Variants in RBFOX1 observed in about 807,000 individuals in gnomAD.
RBFOX1 encodes RNA binding fox-1 homolog 1.
A neutral mutation model predicts 57.7 loss-of-function variants in RBFOX1; 8 were observed. That is an observed-to-expected ratio of 0.14 (90% CI 0.08 to 0.25). RBFOX1 has a LOEUF of 0.25. RBFOX1 is among the 10% of genes least tolerant of loss of function. The pLI is 1.00. For synonymous variants in RBFOX1, 326 were observed against 222.4 expected, an observed-to-expected ratio of 1.47 and a Z score of -4.15; for missense variants, 611 against 548.5, an observed-to-expected ratio of 1.11 and a Z score of -1.14.
chr16:5,417,412 G>A (rs570614531), intron 1 of RBFOX1, among the ~76,000 whole-genome samples: 1 of 152,326 alleles, frequency 6.6e-6, no homozygotes, highest in African/African-American at 2.4e-5. Flanking sequence ...TCCACCGAGG[G>A]AGTAGAAAGC....
intron 4 of RBFOX1, among the ~76,000 whole-genome samples, chr16:7,506,719 C>T (rs1340731853): frequency 5.3e-5 from 8 of 152,120 alleles, no homozygotes; most frequent in South Asian, 2.1e-4. Flanking sequence ...TACTAATGTA[C>T]GAGATCCATG....
chr16:7,490,474 T>C (rs1331533852), intron 4 of RBFOX1, among the ~76,000 whole-genome samples: 1 of 152,224 alleles, frequency 6.6e-6, no homozygotes, highest in East Asian at 1.9e-4. Context: ...AGCCAGGCTG[T>C]CTTCTTAATT....
rs187496229 is a variant in RBFOX1, at chr16:6,920,745, C to T, written c.-15-131312C>T. 1.9e-3 allele frequency among the ~76,000 whole-genome samples: 288 copies of T among 152,310 alleles called. 2 individuals carry two copies. The highest frequency in any genetic ancestry group is 6.8e-3 in the African/African-American group (284 of 41,572). On this transcript the variant is annotated intron_variant, in intron 3 of 15. Coordinates refer to ENST00000550418, the MANE Select transcript of RBFOX1 (RefSeq NM_018723.4). ...ATCACTCCAGTCTTTACTTCATCTG[C>T]AGTGGGCTTTCCCTCTGTCTCTGTG... is the stretch of plus-strand genomic sequence containing the variant.
intron 4 of RBFOX1, among the ~76,000 whole-genome samples, chr16:7,087,276 G>T (rs2060134523): frequency 6.6e-6 from 1 of 152,176 alleles, no homozygotes; most frequent in Non-Finnish European, 1.5e-5. Context: ...AGATGGGCTT[G>T]CCTCAAGAGG....
intron 1 of RBFOX1, among the ~76,000 whole-genome samples, chr16:6,113,756 C>G (rs1009427452): frequency 2.6e-5 from 4 of 152,216 alleles, no homozygotes; most frequent in Non-Finnish European, 5.9e-5. Context: ...TAGCATGTAA[C>G]ATACACTCTA....
At chr16:6,939,426 T>C (rs1175866319) in intron 3 of RBFOX1, among the ~76,000 whole-genome samples, 1 of 152,024 alleles carries the variant, frequency 6.6e-6, no homozygotes, top group Admixed American at 6.6e-5. Flanking sequence ...TAGCTATATA[T>C]AGTAGACATC....
chr16:5,575,714 C>T (rs936130723), intron 2 of RBFOX1, among the ~76,000 whole-genome samples: 2 of 152,184 alleles, frequency 1.3e-5, no homozygotes, highest in African/African-American at 4.8e-5. Flanking sequence ...CTTGCTTGAT[C>T]TAATTGGGCT....
intron 4 of RBFOX1, among the ~76,000 whole-genome samples, chr16:7,121,134 A>C (rs1356772220): frequency 1.3e-5 from 2 of 152,090 alleles, no homozygotes; most frequent in Admixed American, 6.6e-5. Context: ...GAGGATGTCA[A>C]CAAACAACCC....
intron 5 of RBFOX1, among the ~76,000 whole-genome samples, chr16:7,534,086 C>CTTTTCTTTTT: frequency 7.7e-6 from 1 of 129,914 alleles, no homozygotes; most frequent in African/African-American, 2.9e-5. Flanking sequence ...CGTTTTTTTT[C>CTTTTCTTTTT]TTTTTTTTTT....
intron 2 of RBFOX1, among the ~76,000 whole-genome samples, chr16:5,558,058 G>T (rs35346850): frequency 2.8e-4 from 43 of 152,010 alleles, no homozygotes; most frequent in African/African-American, 1.0e-3. Flanking sequence ...TCTATCCCCC[G>T]CTTCCAGCTC....
At chr16:6,467,220 A>G (rs2095069899) in intron 2 of RBFOX1, among the ~76,000 whole-genome samples, 1 of 151,362 alleles carries the variant, frequency 6.6e-6, no homozygotes, top group Non-Finnish European at 1.5e-5. Flanking sequence ...ATGTAATATA[A>G]TAAAGTTTTC....
intron 4 of RBFOX1, among the ~76,000 whole-genome samples, chr16:7,389,377 C>T (rs1162797348): frequency 6.6e-6 from 1 of 152,212 alleles, no homozygotes; most frequent in Non-Finnish European, 1.5e-5. Context: ...CCTCCCACCT[C>T]AGCCTCCCAA....
At chr16:5,733,959 G>C (rs1024662491) in intron 3 of RBFOX1, among the ~76,000 whole-genome samples, 8 of 151,802 alleles carry the variant, frequency 5.3e-5, no homozygotes, top group East Asian at 3.9e-4. Flanking sequence ...TCCTGACCTC[G>C]ACCCTTCTCC....
chr16:6,759,268 A>T (rs1198126432), intron 3 of RBFOX1, among the ~76,000 whole-genome samples: 1 of 151,512 alleles, frequency 6.6e-6, no homozygotes, highest in East Asian at 1.9e-4. Flanking sequence ...CTCCTGTTTC[A>T]GCCTCCCAAG....
intron 3 of RBFOX1, among the ~76,000 whole-genome samples, chr16:6,772,941 T>A (rs151221506): frequency 6.6e-4 from 97 of 147,822 alleles, no homozygotes; most frequent in Middle Eastern, 3.7e-3. Context: ...TGTGTGTGTG[T>A]GTATCTATAT....
At chr16:7,094,767 TGTGTGTGTGG>T (rs963681357) in intron 4 of RBFOX1, among the ~76,000 whole-genome samples, 2 of 140,894 alleles carry the variant, frequency 1.4e-5, no homozygotes, top group African/African-American at 5.0e-5. Flanking sequence ...TGTGTGTGTG[TGTGTGTGTGG>T]GTGTGTGTGT....
chr16:5,500,164 A>C (rs1272455150), intron 2 of RBFOX1, among the ~76,000 whole-genome samples: 769 of 35,168 alleles, frequency 0.022, no homozygotes, highest in Middle Eastern at 0.077. Context: ...CTCCCCTCCC[A>C]CTCCCTGCCT....
At chr16:7,167,847 T>C (rs1358282090) in intron 4 of RBFOX1, among the ~76,000 whole-genome samples, 2 of 107,072 alleles carry the variant, frequency 1.9e-5, no homozygotes, top group African/African-American at 3.9e-5. Flanking sequence ...GCCTAAAATA[T>C]TTACTATCTG....
chr16:7,696,649 C>A (rs879600122), intron 14 of RBFOX1, among the ~76,000 whole-genome samples: 1 of 152,088 alleles, frequency 6.6e-6, no homozygotes, highest in Non-Finnish European at 1.5e-5. Flanking sequence ...CATCAAAAGA[C>A]CTTCATGGTA....
Sources: gnomAD v4.1 joint callset for allele counts (sites outside exome capture counted in the v4.1 genomes callset) on GRCh38, gnomAD v4.1.1 for gene constraint, MANE v1.5 for transcripts, NCBI Gene and HGNC (gene_info 2026-07-23, HGNC 2026-07-21) for gene names.